MYO5B: variants seen among roughly 807,000 people sequenced by gnomAD.
MYO5B encodes the protein unconventional myosin-Vb.
A neutral mutation model predicts 229.3 loss-of-function variants in MYO5B; 143 were observed. That is an observed-to-expected ratio of 0.62 (90% CI 0.54 to 0.72). The LOEUF is 0.72. Among genes scored for constraint, MYO5B ranks in the 30% least tolerant of loss-of-function variants. The probability of loss-of-function intolerance (pLI) is 0.00; values close to 1 mark genes in which losing one functional copy is unlikely to be tolerated. For missense variants in MYO5B, 2,321 were observed against 2,331.0 expected (o/e 1.00, Z 0.09); for synonymous variants, 918 against 885.2 (o/e 1.04, Z -0.66).
chr18:50,108,122 G>A (rs2031795379), intron 1 of MYO5B, among the ~76,000 whole-genome samples: 1 of 152,276 alleles, frequency 6.6e-6, no homozygotes, highest in African/African-American at 2.4e-5. Flanking sequence ...TTGCCAGGCT[G>A]GTCTTGAACA....
chr18:49,885,385 G>T (rs749091513), intron 22 of MYO5B, among the ~76,000 whole-genome samples: 1 of 152,118 alleles, frequency 6.6e-6, no homozygotes, highest in African/African-American at 2.4e-5. Flanking sequence ...AGATGACCAC[G>T]TGGAGCAGAG....
Position 49,866,938 on chromosome 18 carries a change from A to G in MYO5B, c.3604-2558T>C, listed in dbSNP as rs114738589. ...AGCTAAAGGACAGGAGCAGCTAGCT[A>G]TGTGAAAAAGGCAGACAAGAGGCCT... is the stretch of plus-strand genomic sequence containing the variant. On this transcript the variant is annotated intron_variant, in intron 27 of 39. Transcript: ENST00000285039. 2.7e-3 allele frequency among the ~76,000 whole-genome samples: 416 copies of G among 152,312 alleles called. 4 individuals are homozygous for G. Among genetic ancestry groups the G allele is most frequent in the African/African-American group, 9.3e-3 (388 of 41,556 alleles).
intron 1 of MYO5B, among the ~76,000 whole-genome samples, chr18:50,144,258 T>C (rs1010829209): frequency 6.6e-6 from 1 of 152,166 alleles, no homozygotes; most frequent in African/African-American, 2.4e-5. Context: ...TTTCTTCCCA[T>C]GGTATAGAAG....
intron 18 of MYO5B, among the ~76,000 whole-genome samples, chr18:49,908,553 T>A (rs1470492144): frequency 6.6e-6 from 1 of 152,172 alleles, no homozygotes; most frequent in Non-Finnish European, 1.5e-5. Context: ...AGTCTCCAAC[T>A]GCAGCATCCC....
chr18:49,977,424 G>A (rs2025763808), intron 9 of MYO5B, among the ~76,000 whole-genome samples: 1 of 152,056 alleles, frequency 6.6e-6, no homozygotes, highest in Admixed American at 6.6e-5. Context: ...ACTGCGTATG[G>A]AAAGACAGCC....
At position 50,037,919 on chromosome 18, in the gene MYO5B, G is replaced by A. The variant is rs7231322; in HGVS notation, c.311-925C>T. ...AAAAAAAAGAGAACACTTAAGACCA[G>A]TGCCTTGTATAGTAAGCACTGCATG... On this transcript the variant is annotated intron_variant, in intron 3 of 39. Coordinates refer to ENST00000285039, the MANE Select transcript of MYO5B (RefSeq NM_001080467.3). Among the ~76,000 whole-genome samples the A allele has an allele frequency of 9.3e-3, 1,410 of 152,224 alleles. 26 individuals are homozygous for A. Among genetic ancestry groups the A allele is most frequent in the African/African-American group, 0.033 (1,354 of 41,530 alleles).
At chr18:49,873,935 C>T (rs1387359714) in intron 26 of MYO5B, among the ~76,000 whole-genome samples, 1 of 152,224 alleles carries the variant, frequency 6.6e-6, no homozygotes, top group Non-Finnish European at 1.5e-5. Flanking sequence ...ATTCCTCACT[C>T]AGTGCATGGC....
At chr18:49,955,947 C>T (rs941609934) in intron 12 of MYO5B, among the ~76,000 whole-genome samples, 1 of 152,316 alleles carries the variant, frequency 6.6e-6, no homozygotes, top group East Asian at 1.9e-4. Context: ...GGGAAGCCCA[C>T]ATAGGCAAAC....
At chr18:49,961,605 G>A (rs62098864) in intron 12 of MYO5B, among the ~76,000 whole-genome samples, 16,618 of 152,238 alleles carry the variant, frequency 0.11, 1,070 homozygotes, top group Middle Eastern at 0.17. Flanking sequence ...TGGAGGAACT[G>A]GTATATATTT....
chr18:49,828,528 T>G (rs73436347), intron 39 of MYO5B, among the ~76,000 whole-genome samples: 2,263 of 152,196 alleles, frequency 0.015, 65 homozygotes, highest in African/African-American at 0.052. Context: ...TAGAACCAGA[T>G]AGAAGATCAA....
chr18:50,176,551 T>TCCTTTG (rs2032999238), intron 1 of MYO5B, among the ~76,000 whole-genome samples: 2 of 152,194 alleles, frequency 1.3e-5, no homozygotes, highest in Non-Finnish European at 2.9e-5. Flanking sequence ...GGTGTTTTCC[T>TCCTTTG]AGAGTCTTCA....
At position 49,937,385 on chromosome 18, in the gene MYO5B, C is replaced by T. The variant is rs1166778981; in HGVS notation, c.1765G>A (p.Ala589Thr). 6.2e-7 allele frequency: 1 copy of T among 1,614,042 alleles called. No individual in the cohort carries two copies. Among genetic ancestry groups the T allele is most frequent in the Non-Finnish European group, 8.5e-7 (1 of 1,179,938 alleles). ...TCCTTGTCATCATGAAACAAGTCAG[C>T]CACTAGTGGGAACTAGAAACAATCA... ...ILKASKFPLV[A>T]DLFHDDKDPV... The change falls in exon 15 of 40, where the codon GCT (alanine) becomes ACT (threonine). Residue 589 changes from alanine (A) to threonine (T), a missense_variant. Ala to Thr is a moderately conservative substitution (Grantham distance 58, BLOSUM62 0). This residue lies in a region of MYO5B where 2,113 missense variants were observed against 2,044.7 expected (regional missense o/e 1.03). Coordinates refer to ENST00000285039, the MANE Select transcript of MYO5B (RefSeq NM_001080467.3).
chr18:50,027,498 G>C (rs1360611767), intron 4 of MYO5B, among the ~76,000 whole-genome samples: 1 of 152,166 alleles, frequency 6.6e-6, no homozygotes, highest in African/African-American at 2.4e-5. Context: ...GCTTGACCCG[G>C]GTGAAGCTAG....
chr18:49,848,242 G>A (rs576615248), intron 32 of MYO5B, among the ~76,000 whole-genome samples: 2 of 152,328 alleles, frequency 1.3e-5, no homozygotes, highest in Admixed American at 6.5e-5. Context: ...TGTGATGTGG[G>A]TGCTGGTGGT....
intron 23 of MYO5B, 103 bp from the exon 24 acceptor site, chr18:49,879,193 G>C (rs1024535986): frequency 3.6e-6 from 5 of 1,378,626 alleles, no homozygotes; most frequent in South Asian, 2.4e-5. Context: ...TGCCCATGAC[G>C]AGCTCATCAG....
chr18:50,022,282 T>C (rs576920277), intron 4 of MYO5B, among the ~76,000 whole-genome samples: 1 of 152,366 alleles, frequency 6.6e-6, no homozygotes, highest in Admixed American at 6.5e-5. Context: ...CCGCTGTGAT[T>C]CCACTGCCAA....
At chr18:50,128,574 A>T (rs1284499645) in intron 1 of MYO5B, among the ~76,000 whole-genome samples, 1 of 152,178 alleles carries the variant, frequency 6.6e-6, no homozygotes, top group Non-Finnish European at 1.5e-5. Flanking sequence ...CAGTGACAGG[A>T]AGTCTCTCGT....
intron 1 of MYO5B, among the ~76,000 whole-genome samples, chr18:50,067,454 T>C (rs1028326500): frequency 6.6e-6 from 1 of 152,302 alleles, no homozygotes; most frequent in Non-Finnish European, 1.5e-5. Flanking sequence ...CCAGTTACCA[T>C]TGCTACTGCT....
chr18:50,038,498 T>A (rs1264361474), intron 3 of MYO5B, among the ~76,000 whole-genome samples: 1 of 152,228 alleles, frequency 6.6e-6, no homozygotes, highest in Non-Finnish European at 1.5e-5. Context: ...GCTAATCACT[T>A]GGAGAATCCT....
Sources: gnomAD v4.1 joint callset for allele counts (sites outside exome capture counted in the v4.1 genomes callset) on GRCh38, gnomAD v4.1.1 for gene constraint, gnomAD v4.1.1 regional missense constraint, MANE v1.5 for transcripts, NCBI Gene and HGNC (gene_info 2026-07-23, HGNC 2026-07-21) for gene names.